Variants in GPR173 observed in about 807,000 individuals in gnomAD.
The protein encoded by GPR173 is probable G protein-coupled receptor 173.
A neutral mutation model predicts 13.9 loss-of-function variants in GPR173; 2 were observed. The observed-to-expected ratio is 0.14, with a 90% CI of 0.06 to 0.45. The LOEUF (loss-of-function observed/expected upper bound fraction) is 0.45, where lower values mean the gene tolerates loss of function less well. GPR173 is among the 20% of genes least tolerant of loss of function. GPR173 has a pLI of 0.98. For synonymous variants in GPR173, 131 were observed against 141.0 expected (o/e 0.93, Z 0.50); for missense variants, 202 against 340.5 (o/e 0.59, Z 3.20).
At position 53,076,614 on chromosome X, in the gene GPR173, C is replaced by T; in HGVS notation, c.-8C>T. On this transcript the variant is annotated 5_prime_UTR_variant, in exon 2 of 2. Transcript: ENST00000332582. ...CCCTAGGGTTGGCAGTAGCCCCTGA[C>T]CCTCAGTATGGCCAACACTACCGGA... 1 of 1,174,450 alleles carries T rather than the reference C, an allele frequency of 8.5e-7. No homozygotes were observed. Among genetic ancestry groups the T allele is most frequent in the South Asian group, 1.9e-5 (1 of 51,400 alleles).
chrX:53,053,796 C>T (rs1454298456), intron 1 of GPR173, among the ~76,000 whole-genome samples: 1 of 112,860 alleles, frequency 8.9e-6, no homozygotes, highest in East Asian at 2.8e-4. Flanking sequence ...ACTATGACAC[C>T]TGATGCCTGT....
intron 1 of GPR173, among the ~76,000 whole-genome samples, chrX:53,058,049 T>C (rs1932064105): frequency 8.9e-6 from 1 of 112,604 alleles, no homozygotes; most frequent in Non-Finnish European, 1.9e-5. Context: ...AGTGGGTTTG[T>C]ACTTCTGTGT....
At chrX:53,074,211 T>C (rs1556805347) in intron 1 of GPR173, among the ~76,000 whole-genome samples, 2 of 96,701 alleles carry the variant, frequency 2.1e-5, no homozygotes, top group Non-Finnish European at 4.0e-5. Flanking sequence ...TATATAAATA[T>C]ACATTTATAT....
Position 53,079,874 on chromosome X carries a change from G to C in GPR173, c.*2131G>C, listed in dbSNP as rs1285586102. 2 of 122,628 alleles carry C rather than the reference G, an allele frequency of 1.6e-5. No individual in the cohort carries two copies. Among genetic ancestry groups the C allele is most frequent in the East Asian group, 2.8e-4 (1 of 3,532 alleles). 10.1% of individuals were successfully genotyped at this position (122,628 alleles called of 1,213,427 possible). A position where few individuals can be genotyped will look rare whatever the true frequency, so the allele number is the denominator to read the frequency against. On this transcript the variant is annotated 3_prime_UTR_variant, in exon 2 of 2. Coordinates refer to ENST00000332582, the MANE Select transcript of GPR173 (RefSeq NM_018969.6). ...AGAGATGGATCTTGGAAACTACATAGGTCGGTAGCAAGAGGGTAGACTCCC... is the reference window on the plus strand; with the variant it reads ...AGAGATGGATCTTGGAAACTACATACGTCGGTAGCAAGAGGGTAGACTCCC...
chrX:53,056,871 T>C (rs1932046685), intron 1 of GPR173, among the ~76,000 whole-genome samples: 1 of 111,371 alleles, frequency 9.0e-6, no homozygotes, highest in African/African-American at 3.3e-5. Context: ...ATCAGCTGGA[T>C]TGGGTGTGCA....
chrX:53,050,087 C>T (rs1429248982), intron 1 of GPR173, among the ~76,000 whole-genome samples: 3 of 110,689 alleles, frequency 2.7e-5, no homozygotes, highest in Non-Finnish European at 3.8e-5. Flanking sequence ...CCACCCTCCC[C>T]ACCTCCCCAT....
intron 1 of GPR173, among the ~76,000 whole-genome samples, chrX:53,052,858 G>T (rs991368732): frequency 3.4e-5 from 3 of 88,781 alleles, no homozygotes; most frequent in African/African-American, 1.3e-4. Context: ...GAGGATGTGT[G>T]TGAGGATGTG....
At chrX:53,069,929 T>G (rs1569223213) in intron 1 of GPR173, among the ~76,000 whole-genome samples, 1 of 110,874 alleles carries the variant, frequency 9.0e-6, no homozygotes, top group Non-Finnish European at 1.9e-5. Flanking sequence ...TGTGGGCAGT[T>G]TTTTACTTGC....
chrX:53,077,865 G>A lies in GPR173; in HGVS notation c.*122G>A. 3 of 544,426 alleles carry A rather than the reference G, an allele frequency of 5.5e-6. No individual in the cohort carries two copies. The highest frequency in any genetic ancestry group is 3.1e-5 in the South Asian group (1 of 31,860). The allele number at this position is 544,426 out of a possible 1,213,427, so 44.9% of individuals were successfully genotyped here. ...TTCTGAGCTCCAGCCCCAGCCCCTC[G>A]AACCACCTGTAATCTAGGCACCTTT... is the stretch of plus-strand genomic sequence containing the variant. On this transcript the variant is annotated 3_prime_UTR_variant, in exon 2 of 2. Coordinates refer to ENST00000332582, the MANE Select transcript of GPR173 (RefSeq NM_018969.6).
rs1327754718 is a variant in GPR173 at position 53,080,009 on chromosome X, C to A, written c.*2266C>A. On this transcript the variant is annotated 3_prime_UTR_variant, in exon 2 of 2. Coordinates refer to ENST00000332582, the MANE Select transcript of GPR173 (RefSeq NM_018969.6). The stretch of plus-strand genomic sequence containing the variant: ...CACAAAGCCTGTAGCCCCATCTCAA[C>A]CCCGTCTCAGTCTCCTTCCCAAACT... The A allele has an allele frequency of 2.4e-5, 3 of 122,963 alleles. No individual in the cohort carries two copies. Among genetic ancestry groups the A allele is most frequent in the African/African-American group, 9.8e-5 (3 of 30,693 alleles). 10.1% of individuals were successfully genotyped at this position (122,963 alleles called of 1,213,427 possible).
chrX:53,049,975 T>C (rs73208446), intron 1 of GPR173, among the ~76,000 whole-genome samples: 18,450 of 104,808 alleles, frequency 0.18, 1,290 homozygotes, highest in South Asian at 0.22. Context: ...TGTGTGTGTG[T>C]GCACCTGGGT....
chrX:53,067,717 G>C (rs1306995257), intron 1 of GPR173, among the ~76,000 whole-genome samples: 1 of 109,881 alleles, frequency 9.1e-6, no homozygotes, highest in Non-Finnish European at 1.9e-5. Flanking sequence ...CCAGCTACTC[G>C]GGAGGCTGAG....
At position 53,048,903 on chromosome X, in the gene GPR173, G is replaced by A. The variant is rs1931912449; in HGVS notation, c.-679G>A. Reference sequence around the variant, plus strand: ...AGGCCCGGGGAGCGGGGTGAGCCTGGATGAGAGCCCCCCCAACCTGGGGCT... The same window carrying A: ...AGGCCCGGGGAGCGGGGTGAGCCTGAATGAGAGCCCCCCCAACCTGGGGCT... On this transcript the variant is annotated 5_prime_UTR_variant, in exon 1 of 2. Coordinates refer to ENST00000332582, the MANE Select transcript of GPR173 (RefSeq NM_018969.6). Among the ~76,000 whole-genome samples the A allele has an allele frequency of 9.0e-6, 1 of 110,990 alleles. No homozygotes were observed. Among genetic ancestry groups the A allele is most frequent in the Non-Finnish European group, 1.9e-5 (1 of 52,624 alleles).
intron 1 of GPR173, among the ~76,000 whole-genome samples, chrX:53,064,821 A>T (rs1488926894): frequency 9.0e-6 from 1 of 111,607 alleles, no homozygotes; most frequent in Non-Finnish European, 1.9e-5. Context: ...TCCATTTATG[A>T]GGGAAGAGTC....
rs1319882729 is a variant in GPR173 at position 53,076,553 on chromosome X, C to T, written c.-69C>T. On this transcript the variant is annotated 5_prime_UTR_variant, in exon 2 of 2. Transcript: ENST00000332582. ...CAATGTAGCAGGACAACTCATGGAG[C>T]CCCCCCGGGCCCATCGAGTACCGGA... 3 of 878,993 alleles carry T rather than the reference C, an allele frequency of 3.4e-6. No homozygotes were observed. The highest frequency in any genetic ancestry group is 6.4e-5 in the East Asian group (2 of 31,408). 72.4% of individuals were successfully genotyped at this position (878,993 alleles called of 1,213,427 possible).
At chrX:53,060,024 A>G (rs1358411555) in intron 1 of GPR173, among the ~76,000 whole-genome samples, 1 of 91,160 alleles carries the variant, frequency 1.1e-5, no homozygotes, top group African/African-American at 4.9e-5. Context: ...TTATATATAT[A>G]TATATATACA....
intron 1 of GPR173, among the ~76,000 whole-genome samples, chrX:53,057,750 G>A (rs1421770343): frequency 1.7e-4 from 19 of 109,581 alleles, no homozygotes; most frequent in Non-Finnish European, 2.7e-4. Context: ...GTGAAACTCC[G>A]TCTCAAAAAA....
intron 1 of GPR173, among the ~76,000 whole-genome samples, chrX:53,067,046 T>C (rs1397526855): frequency 8.9e-6 from 1 of 111,975 alleles, no homozygotes; most frequent in African/African-American, 3.2e-5. Context: ...TATTTCAAAC[T>C]TAGTTTATGT....
chrX:53,076,407 G>A (rs1217862571), intron 1 of GPR173, 118 bp from the exon 2 acceptor site: 9 of 359,750 alleles, frequency 2.5e-5, no homozygotes, highest in Non-Finnish European at 4.3e-5. Context: ...CTTTGTCTCT[G>A]CACGCCTGTT....
Sources: gnomAD v4.1 joint callset for allele counts (sites outside exome capture counted in the v4.1 genomes callset) on GRCh38, gnomAD v4.1.1 for gene constraint, MANE v1.5 for transcripts, NCBI Gene and HGNC (gene_info 2026-07-23, HGNC 2026-07-21) for gene names.